Variants in LPP observed in about 807,000 individuals in gnomAD.
LPP encodes LIM domain containing preferred translocation partner in lipoma, also known as lipoma-preferred partner.
In LPP, 38 loss-of-function variants were observed where a neutral mutation model predicts 60.4. The ratio of observed to expected loss-of-function variants is 0.63; its 90% CI spans 0.49 to 0.83. The LOEUF (loss-of-function observed/expected upper bound fraction) is 0.83. LPP is among the 40% of genes least tolerant of loss of function. LPP has a pLI of 0.00. For synonymous variants in LPP, 328 were observed against 290.8 expected, an observed-to-expected ratio of 1.13 and a Z score of -1.30; for missense variants, 902 against 783.6, an observed-to-expected ratio of 1.15 and a Z score of -1.80.
chr3:188,704,253 C>G (rs900298021), intron 7 of LPP, among the ~76,000 whole-genome samples: 1 of 152,062 alleles, frequency 6.6e-6, no homozygotes, highest in African/African-American at 2.4e-5. Flanking sequence ...CTGTAATAAT[C>G]CACTCCCTCA....
At chr3:188,305,201 C>A (rs934689282) in intron 2 of LPP, among the ~76,000 whole-genome samples, 4 of 152,062 alleles carry the variant, frequency 2.6e-5, no homozygotes, top group Non-Finnish European at 4.4e-5. Flanking sequence ...TCTGTAGGAG[C>A]TAAATACTAA....
chr3:188,248,115 G>C (rs1727673326), intron 2 of LPP, among the ~76,000 whole-genome samples: 1 of 151,818 alleles, frequency 6.6e-6, no homozygotes, highest in South Asian at 2.1e-4. Context: ...TTACTTACTG[G>C]GCTGCATTTT....
At chr3:188,153,410 A>G (rs969871273), upstream of LPP, 2 of 152,310 alleles carry the variant, frequency 1.3e-5, no homozygotes, top group Non-Finnish European at 2.9e-5. Context: ...CTCACGAGGA[A>G]AATCTTGGAA....
At chr3:188,649,944 G>A (rs910343899) in intron 7 of LPP, among the ~76,000 whole-genome samples, 18 of 152,102 alleles carry the variant, frequency 1.2e-4, no homozygotes, top group African/African-American at 4.3e-4. Context: ...CTTCCACCTT[G>A]TCTTGTTTCT....
chr3:188,722,793 A>G (rs1020919776), intron 8 of LPP, among the ~76,000 whole-genome samples: 2 of 152,242 alleles, frequency 1.3e-5, no homozygotes, highest in African/African-American at 4.8e-5. Flanking sequence ...ATAAGTCGGT[A>G]TGAAAAAGTT....
In LPP at chr3:188,830,013, A is replaced by G. The variant is rs560943277; in HGVS notation, c.1411-36187A>G. On this transcript the variant is annotated intron_variant, in intron 9 of 11. Transcript: ENST00000617246. ...ACAGTGAAGCCCCATCTCATTAAAA[A>G]AAAAAAAAAGATATATTAAGAAACT... Among the ~76,000 whole-genome samples, 232 of 152,068 alleles carry G rather than the reference A, an allele frequency of 1.5e-3. 2 individuals are homozygous for G. The highest frequency in any genetic ancestry group is 5.3e-3 in the African/African-American group (220 of 41,472).
intron 7 of LPP, among the ~76,000 whole-genome samples, chr3:188,673,143 G>T (rs763953280): frequency 1.3e-5 from 2 of 152,062 alleles, no homozygotes; most frequent in African/African-American, 2.4e-5. Context: ...TAAACAACCT[G>T]TGGAAGTTCA....
At chr3:188,810,030 A>G (rs761371398) in intron 9 of LPP, among the ~76,000 whole-genome samples, 18 of 152,024 alleles carry the variant, frequency 1.2e-4, no homozygotes, top group Non-Finnish European at 2.2e-4. Flanking sequence ...GCTCTGTTCC[A>G]TTGGTCTATC....
intron 2 of LPP, among the ~76,000 whole-genome samples, chr3:188,304,414 G>A (rs1383127407): frequency 6.6e-6 from 1 of 152,134 alleles, no homozygotes; most frequent in Non-Finnish European, 1.5e-5. Context: ...AGAACCAGGA[G>A]TATAATGCGA....
chr3:188,590,206 A>G (rs866208310), intron 6 of LPP, among the ~76,000 whole-genome samples: 1 of 152,226 alleles, frequency 6.6e-6, no homozygotes, highest in African/African-American at 2.4e-5. Context: ...TTTTGTTTAC[A>G]TAGAGAATAT....
intron 2 of LPP, among the ~76,000 whole-genome samples, chr3:188,266,135 C>T (rs924697710): frequency 1.1e-4 from 17 of 151,840 alleles, no homozygotes; most frequent in Non-Finnish European, 2.1e-4. Flanking sequence ...CTTTTTTCCC[C>T]TCCCTTTCTC....
At chr3:188,197,486 G>A (rs1432807945) in intron 1 of LPP, among the ~76,000 whole-genome samples, 1 of 152,160 alleles carries the variant, frequency 6.6e-6, no homozygotes, top group Non-Finnish European at 1.5e-5. Flanking sequence ...TGCCTTGGAG[G>A]AAGCGAGTGC....
intron 5 of LPP, among the ~76,000 whole-genome samples, chr3:188,491,149 C>A (rs1244625845): frequency 6.6e-6 from 1 of 152,154 alleles, no homozygotes; most frequent in Non-Finnish European, 1.5e-5. Context: ...ACATAAGGAA[C>A]TCAAACCTAC....
intron 5 of LPP, among the ~76,000 whole-genome samples, chr3:188,499,668 G>C (rs1041852075): frequency 2.0e-5 from 3 of 152,050 alleles, no homozygotes; most frequent in Admixed American, 1.3e-4. Flanking sequence ...TTTTGATCGG[G>C]ACCGCATTAA....
At chr3:188,250,684 GCT>G (rs988196656) in intron 2 of LPP, among the ~76,000 whole-genome samples, 5 of 147,448 alleles carry the variant, frequency 3.4e-5, no homozygotes, top group African/African-American at 5.0e-5. Flanking sequence ...CCTCCCTCCC[GCT>G]CTCTCTCTCT....
At chr3:188,303,344 A>T (rs1205570435) in intron 2 of LPP, among the ~76,000 whole-genome samples, 1 of 152,220 alleles carries the variant, frequency 6.6e-6, no homozygotes, top group Non-Finnish European at 1.5e-5. Flanking sequence ...GTCCCTGAAA[A>T]TAGAGAACTT....
chr3:188,397,370 A>AGCC (rs780128043), intron 3 of LPP, among the ~76,000 whole-genome samples: 1 of 152,130 alleles, frequency 6.6e-6, no homozygotes, highest in Non-Finnish European at 1.5e-5. Flanking sequence ...ATGACCTTTT[A>AGCC]GCTCTTAAGT....
At chr3:188,416,573 A>G (rs1489640180) in intron 4 of LPP, among the ~76,000 whole-genome samples, 1 of 152,140 alleles carries the variant, frequency 6.6e-6, no homozygotes, top group East Asian at 1.9e-4. Flanking sequence ...GTAGTTAATG[A>G]TGGTAGCTTT....
In LPP at chr3:188,217,346, C is replaced by CT. The variant is rs1400660159; in HGVS notation, c.-189-8058dup. The stretch of plus-strand genomic sequence containing the variant: ...TGAGGAACAGAAGGAGACTGATGTG[C>CT]TGGCAGGATGTGGGCTGCAGGGGAA... On this transcript the variant is annotated intron_variant, in intron 1 of 11. Coordinates refer to ENST00000617246, the MANE Select transcript of LPP (RefSeq NM_001375462.1). This position sits in a 1 kb window ranked among gnomAD's most constrained non-coding sequence, Gnocchi z 4.0. 6.6e-6 allele frequency among the ~76,000 whole-genome samples: 1 copy of CT among 152,110 alleles called. No homozygotes were observed. Among genetic ancestry groups the CT allele is most frequent in the African/African-American group, 2.4e-5 (1 of 41,410 alleles).
Sources: allele counts gnomAD v4.1 joint callset (sites outside exome capture counted in the v4.1 genomes callset), GRCh38; gene constraint gnomAD v4.1.1; non-coding constraint Gnocchi (gnomAD v3.1); transcripts MANE v1.5; gene names NCBI Gene and HGNC (gene_info 2026-07-23, HGNC 2026-07-21).